The following INSC variants were observed in gnomAD, a reference collection of about 807,000 sequenced individuals.
INSC encodes the protein protein inscuteable homolog.
INSC carries 67 observed loss-of-function variants against 58.6 expected under a neutral mutation model. The ratio of observed to expected loss-of-function variants is 1.14; its 90% CI spans 0.94 to 1.40. The LOEUF is 1.40. Among genes scored for constraint, INSC ranks in the 40% most tolerant of loss-of-function variants. The pLI, the probability that INSC is intolerant of heterozygous loss-of-function variation, is 0.00. For synonymous variants in INSC, 262 were observed against 276.1 expected (o/e 0.95, Z 0.51); for missense variants, 714 against 692.0 (o/e 1.03, Z -0.36).
intron 5 of INSC, among the ~76,000 whole-genome samples, chr11:15,190,404 G>A (rs1013685434): frequency 2.0e-5 from 3 of 152,198 alleles, no homozygotes; most frequent in Non-Finnish European, 4.4e-5. Flanking sequence ...AATGGTATTT[G>A]CTGAGCCCAT....
chr11:15,156,666 G>A (rs11023456), intron 2 of INSC, among the ~76,000 whole-genome samples: 11 of 152,054 alleles, frequency 7.2e-5, no homozygotes, highest in East Asian at 1.9e-4. Flanking sequence ...ATGTAATGCC[G>A]CTAGGCCTCA....
At chr11:15,131,671 T>C (rs1166443955) in intron 1 of INSC, among the ~76,000 whole-genome samples, 2 of 152,184 alleles carry the variant, frequency 1.3e-5, no homozygotes, top group African/African-American at 4.8e-5. Flanking sequence ...CATTATTATA[T>C]TTTCTTAATG....
chr11:15,256,521 G>C, the INSC span, among the ~76,000 whole-genome samples: 1 of 144,014 alleles, frequency 6.9e-6, no homozygotes, highest in Non-Finnish European at 1.5e-5. Context: ...AGGGAGTTTC[G>C]CTCTGTTGCC....
chr11:15,163,881 T>G (rs1490891464), intron 2 of INSC, among the ~76,000 whole-genome samples: 1 of 152,196 alleles, frequency 6.6e-6, no homozygotes, highest in Non-Finnish European at 1.5e-5. Context: ...AGCCACCATA[T>G]CTGGCCTCCT....
chr11:15,253,824 G>A, the INSC span, among the ~76,000 whole-genome samples: 4 of 152,132 alleles, frequency 2.6e-5, no homozygotes, highest in African/African-American at 9.7e-5. Flanking sequence ...AGTCTCAACT[G>A]ATGAGACCCT....
chr11:15,140,261 G>C (rs1403451213), intron 1 of INSC, among the ~76,000 whole-genome samples: 2 of 152,182 alleles, frequency 1.3e-5, no homozygotes, highest in African/African-American at 2.4e-5. Flanking sequence ...TCCCATTCCA[G>C]AGCTGAGCTG....
At chr11:15,237,719 A>G (rs896545104) in intron 10 of INSC, among the ~76,000 whole-genome samples, 2 of 152,136 alleles carry the variant, frequency 1.3e-5, no homozygotes, top group Non-Finnish European at 2.9e-5. Context: ...TGCCTACAAA[A>G]CTCAGACAGG....
chr11:15,233,641 T>C (rs1046713080), intron 9 of INSC, among the ~76,000 whole-genome samples: 1 of 152,210 alleles, frequency 6.6e-6, no homozygotes, highest in Non-Finnish European at 1.5e-5. Flanking sequence ...TAATAATTAC[T>C]GTGTAATGAA....
intron 8 of INSC, among the ~76,000 whole-genome samples, chr11:15,223,146 T>C (rs554368580): frequency 6.6e-6 from 1 of 152,284 alleles, no homozygotes; most frequent in East Asian, 1.9e-4. Flanking sequence ...CAGTTGATTG[T>C]TACCATGTGG....
At chr11:15,179,714 G>A (rs1184232105) in intron 5 of INSC, among the ~76,000 whole-genome samples, 1 of 152,256 alleles carries the variant, frequency 6.6e-6, no homozygotes, top group African/African-American at 2.4e-5. Flanking sequence ...GCAGCACTTG[G>A]AGCTGATGAG....
At chr11:15,138,097 G>T (rs1398468122) in intron 1 of INSC, among the ~76,000 whole-genome samples, 1 of 152,168 alleles carries the variant, frequency 6.6e-6, no homozygotes, top group East Asian at 1.9e-4. Context: ...TAGGGGAACA[G>T]CAGGTTGGTG....
chr11:15,154,973 T>C (rs1007332064), intron 2 of INSC, among the ~76,000 whole-genome samples: 4 of 152,212 alleles, frequency 2.6e-5, no homozygotes, highest in African/African-American at 9.6e-5. Flanking sequence ...GGAGTCCTCT[T>C]AGGATCTAAA....
chr11:15,184,905 A>G (rs543562090), intron 5 of INSC, among the ~76,000 whole-genome samples: 5 of 152,382 alleles, frequency 3.3e-5, no homozygotes, highest in African/African-American at 1.2e-4. Context: ...TGTATTGGCA[A>G]TGAAATAAAT....
At chr11:15,132,217 T>C (rs1479846340) in intron 1 of INSC, among the ~76,000 whole-genome samples, 1 of 152,214 alleles carries the variant, frequency 6.6e-6, no homozygotes, top group Non-Finnish European at 1.5e-5. Flanking sequence ...TTTAGTCATA[T>C]TCTTCTAAAT....
At chr11:15,196,466 C>T (rs112785332) in intron 6 of INSC, among the ~76,000 whole-genome samples, 2,001 of 141,766 alleles carry the variant, frequency 0.014, 39 homozygotes, top group African/African-American at 0.049. Flanking sequence ...CTTTCCCTTT[C>T]CAGGCAAAAC....
chr11:15,194,639 A>G (rs1440096024), intron 6 of INSC, among the ~76,000 whole-genome samples: 1 of 152,192 alleles, frequency 6.6e-6, no homozygotes, highest in African/African-American at 2.4e-5. Flanking sequence ...AATGCATTAT[A>G]TAATTCCTTT....
At chr11:15,151,710 C>T (rs1848656453) in intron 2 of INSC, among the ~76,000 whole-genome samples, 1 of 152,154 alleles carries the variant, frequency 6.6e-6, no homozygotes. Context: ...TTGTGCCCTC[C>T]ACCATCACAG....
At chr11:15,187,061 TG>T (rs1849996121) in intron 5 of INSC, among the ~76,000 whole-genome samples, 1 of 152,158 alleles carries the variant, frequency 6.6e-6, no homozygotes, top group Non-Finnish European at 1.5e-5. Context: ...ATGGAGGGGA[TG>T]GCTGGAAGGA....
At chr11:15,176,959 C>A in intron 3 of INSC, 152 bp from the exon 4 acceptor site, 1 of 630,128 alleles carries the variant, frequency 1.6e-6, no homozygotes, top group Non-Finnish European at 2.9e-6. Context: ...GCTCTTTCAC[C>A]ACCTGTATCA....
Sources: allele counts gnomAD v4.1 joint callset (sites outside exome capture counted in the v4.1 genomes callset), GRCh38; gene constraint gnomAD v4.1.1; transcripts MANE v1.5; gene names NCBI Gene and HGNC (gene_info 2026-07-23, HGNC 2026-07-21).